Variants in EP400 observed in about 807,000 individuals in gnomAD.
EP400 encodes E1A-binding protein p400.
A neutral mutation model predicts 354.1 loss-of-function variants in EP400; 105 were observed. That is an observed-to-expected ratio of 0.30 (90% confidence interval 0.25 to 0.35). EP400 has a LOEUF of 0.35. Among genes scored for constraint, EP400 ranks in the 10% least tolerant of loss-of-function variants. The pLI is 1.00. For synonymous variants in EP400, 1,646 were observed against 1,716.9 expected, an observed-to-expected ratio of 0.96 and a Z score of 1.02; for missense variants, 3,280 against 4,121.0, an observed-to-expected ratio of 0.80 and a Z score of 5.59.
rs1454045894 is a variant in EP400 at position 132,062,670 on chromosome 12, C to G, written c.8303C>G (p.Ala2768Gly). 1 of 1,614,038 alleles carries G rather than the reference C, an allele frequency of 6.2e-7. No individual in the cohort carries two copies. The highest frequency in any genetic ancestry group is 1.3e-5 in the African/African-American group (1 of 74,910). Residue 2768 changes from alanine (A) to glycine (G), a missense_variant, in exon 47 of 53, where the codon GCA becomes GGA. Physicochemically the swap from Ala to Gly is moderately conservative, Grantham distance 60 (BLOSUM62 0). Around this residue, in one of 20 missense-constraint regions of EP400, gnomAD observed 47 missense variants for 55.6 expected, o/e 0.85. Coordinates refer to ENST00000389561, the MANE Select transcript of EP400 (RefSeq NM_015409.5). ...PQIQGQAQSPAQIKAVGKLTP... is the reference protein window; with the variant it reads ...PQIQGQAQSPGQIKAVGKLTP... The stretch of plus-strand genomic sequence containing the variant: ...ATCCAGGGCCAGGCCCAGTCCCCAG[C>G]ACAGATCAAAGCTGTGGGCAAGCTG...
chr12:131,963,868 G>A (rs911773937), intron 2 of EP400, among the ~76,000 whole-genome samples: 1 of 152,138 alleles, frequency 6.6e-6, no homozygotes, highest in African/African-American at 2.4e-5. Flanking sequence ...TACTTGTAAT[G>A]CGGTAGTAGC....
At position 132,067,853 on chromosome 12, in the gene EP400, C is replaced by T. The variant is rs1458360602; in HGVS notation, c.8874+367C>T. Among the ~76,000 whole-genome samples the T allele has an allele frequency of 1.3e-5, 2 of 152,060 alleles. No individual in the cohort carries two copies. Among genetic ancestry groups the T allele is most frequent in the African/African-American group, 2.4e-5 (1 of 41,394 alleles). ...CAGACGCAGCTCACACCACAGGACC[C>T]GCCTGGACTCCTGCTGGAGGACAGG... On this transcript the variant is annotated intron_variant, in intron 50 of 52. Coordinates refer to ENST00000389561, the MANE Select transcript of EP400 (RefSeq NM_015409.5). This position sits in a 1 kb window ranked among gnomAD's most constrained non-coding sequence, Gnocchi z 5.3.
chr12:132,044,042 G>T, intron 34 of EP400, 135 bp from the exon 35 acceptor site: 1 of 1,264,090 alleles, frequency 7.9e-7, no homozygotes, highest in Admixed American at 2.3e-5. Context: ...GCTGCTTGTG[G>T]GGGTGATGCA....
intron 15 of EP400, among the ~76,000 whole-genome samples, chr12:132,010,881 G>A (rs1001849739): frequency 1.3e-5 from 2 of 152,204 alleles, no homozygotes; most frequent in Admixed American, 6.5e-5. Flanking sequence ...GGCAGAGGTT[G>A]CAGTGAGCCG....
In EP400 at chr12:132,052,121, TTAA is replaced by T. The variant is rs1002080695; in HGVS notation, c.7395-1023_7395-1021del. On this transcript the variant is annotated intron_variant, in intron 41 of 52. Transcript: ENST00000389561. The surrounding 1 kb of genome is among the most constrained non-coding windows in gnomAD (Gnocchi z 4.4). ...AAGAGTAATTGCTACCAACTAATGA[TTAA>T]TGATATTCATAGATAATCATATCTA... Among the ~76,000 whole-genome samples the T allele has an allele frequency of 3.9e-5, 6 of 152,246 alleles. No individual in the cohort carries two copies. Among genetic ancestry groups the T allele is most frequent in the Admixed American group, 6.5e-5 (1 of 15,290 alleles).
At chr12:131,988,464 C>T (rs1376445288) in intron 7 of EP400, among the ~76,000 whole-genome samples, 3 of 152,158 alleles carry the variant, frequency 2.0e-5, no homozygotes, top group African/African-American at 7.2e-5. Flanking sequence ...TTAGAAGGCA[C>T]CTGGTATCAG....
In EP400 at chr12:132,029,924, T is replaced by C; in HGVS notation, c.5584+21T>C. On this transcript the variant is annotated intron_variant, in intron 28 of 52. Coordinates refer to ENST00000389561, the MANE Select transcript of EP400 (RefSeq NM_015409.5). This position sits in a 1 kb window ranked among gnomAD's most constrained non-coding sequence, Gnocchi z 4.7. ...CTCAGGTATGCGGCAGTTGGGGGCG[T>C]GGCCCGTGCGGGAGCTGCACCGGCC... 6.2e-7 allele frequency: 1 copy of C among 1,611,468 alleles called. No homozygotes were observed. Among genetic ancestry groups the C allele is most frequent in the Non-Finnish European group, 8.5e-7 (1 of 1,179,368 alleles).
In EP400 at chr12:132,025,065, T is replaced by TAAAACAAAAC. The variant is rs1291923573; in HGVS notation, c.4856-564_4856-555dup. Among the ~76,000 whole-genome samples, 3 of 151,866 alleles carry TAAAACAAAAC rather than the reference T, an allele frequency of 2.0e-5. No individual in the cohort carries two copies. Among genetic ancestry groups the TAAAACAAAAC allele is most frequent in the Non-Finnish European group, 4.4e-5 (3 of 67,972 alleles). On this transcript the variant is annotated intron_variant, in intron 24 of 52. Transcript: ENST00000389561. The surrounding 1 kb of genome is among the most constrained non-coding windows in gnomAD (Gnocchi z 4.1). ...TGGTTTACTTCCTTTTTTTTTTTCT[T>TAAAACAAAAC]AAAACAAAACAAAACAAAACAAAAC... is the stretch of plus-strand genomic sequence containing the variant.
At position 131,990,350 on chromosome 12, in the gene EP400, G is replaced by A. The variant is rs1213708954; in HGVS notation, c.2550+246G>A. On this transcript the variant is annotated intron_variant, in intron 8 of 52. Transcript: ENST00000389561. The surrounding 1 kb of genome is among the most constrained non-coding windows in gnomAD (Gnocchi z 4.2). ...CTGAGGTGCTTCATGCCGTGGAGGG[G>A]CTCTGGGCATTGTTTCAGGGTTAGC... Among the ~76,000 whole-genome samples the A allele has an allele frequency of 6.6e-6, 1 of 152,190 alleles. No individual in the cohort carries two copies. Among genetic ancestry groups the A allele is most frequent in the East Asian group, 1.9e-4 (1 of 5,202 alleles).
At position 132,027,395 on chromosome 12, in the gene EP400, A is replaced by G; in HGVS notation, c.5015-42A>G. 1 of 1,600,806 alleles carries G rather than the reference A, an allele frequency of 6.2e-7. No homozygotes were observed. The highest frequency in any genetic ancestry group is 8.6e-7 in the Non-Finnish European group (1 of 1,168,300). On this transcript the variant is annotated intron_variant, in intron 25 of 52. Transcript: ENST00000389561. This position sits in a 1 kb window ranked among gnomAD's most constrained non-coding sequence, Gnocchi z 4.9. Reference sequence around the variant, plus strand: ...TGCTGGTGTCAGATGAAATCCTGTGAACTTGGCGTTCCTTTTCACCTCTTC... The same window carrying G: ...TGCTGGTGTCAGATGAAATCCTGTGGACTTGGCGTTCCTTTTCACCTCTTC...
rs1896293711 is a variant in EP400, at chr12:132,078,105, G to T, written c.*432G>T. 1 of 170,632 alleles carries T rather than the reference G, an allele frequency of 5.9e-6. No homozygotes were observed. Among genetic ancestry groups the T allele is most frequent in the Non-Finnish European group, 1.3e-5 (1 of 77,888 alleles). 10.6% of individuals were successfully genotyped at this position (170,632 alleles called of 1,614,324 possible). Reference sequence around the variant, plus strand: ...GCGTGGGCTTCCACAGTGTCTGCCAGAGTTTAGTTCTTTATACCTTACTGA... The same window carrying T: ...GCGTGGGCTTCCACAGTGTCTGCCATAGTTTAGTTCTTTATACCTTACTGA... On this transcript the variant is annotated 3_prime_UTR_variant, in exon 53 of 53. Coordinates refer to ENST00000389561, the MANE Select transcript of EP400 (RefSeq NM_015409.5).
At chr12:132,019,596 A>C (rs529710392) in intron 21 of EP400, among the ~76,000 whole-genome samples, 1 of 151,960 alleles carries the variant, frequency 6.6e-6, no homozygotes, top group Non-Finnish European at 1.5e-5. Flanking sequence ...CTAGCTACTT[A>C]GAGGCTGAGG....
In EP400 at chr12:131,964,147, C is replaced by T. The variant is rs1279330711; in HGVS notation, c.1335+2193C>T. Among the ~76,000 whole-genome samples, 3 of 152,114 alleles carry T rather than the reference C, an allele frequency of 2.0e-5. No individual in the cohort carries two copies. In the South Asian group the frequency reaches 6.2e-4, roughly 32 times the overall value. On this transcript the variant is annotated intron_variant, in intron 2 of 52. Transcript: ENST00000389561. ...CAAACTGATTATTTTTAATTTTTTG[C>T]AAATTCACTCAGTGTTAAATTAGTA...
chr12:131,983,762 C>A (rs1215025931), intron 5 of EP400, among the ~76,000 whole-genome samples: 3 of 152,206 alleles, frequency 2.0e-5, no homozygotes, highest in African/African-American at 7.2e-5. Flanking sequence ...TCACTGCAGC[C>A]TCTACTTCCT....
rs146574804 is a variant in EP400 at position 131,969,680 on chromosome 12, C to T, written c.1335+7726C>T. On this transcript the variant is annotated intron_variant, in intron 2 of 52. Transcript: ENST00000389561. The stretch of plus-strand genomic sequence containing the variant: ...CGGAATCAGCCATTTCGACAAAGAG[C>T]CTGGTTCCTTTCGGTGGGGAATAGT... Among the ~76,000 whole-genome samples, 12 of 152,150 alleles carry T rather than the reference C, an allele frequency of 7.9e-5. No individual in the cohort carries two copies. In the East Asian group the frequency reaches 2.3e-3, roughly 29 times the overall value.
Position 132,029,721 on chromosome 12 carries a change from C to T in EP400, c.5402C>T (p.Pro1801Leu), listed in dbSNP as rs545633950. The T allele has an allele frequency of 3.2e-5, 51 of 1,612,958 alleles. No individual in the cohort carries two copies. Among genetic ancestry groups the T allele is most frequent in the South Asian group, 1.1e-4 (10 of 91,036 alleles). ...VIDRVAFVIPPVVAAPPSLRV... is the reference protein window; with the variant it reads ...VIDRVAFVIPLVVAAPPSLRV... ...CTCAGGGTGGCCTTTGTGATTCCTCCGGTGGTGGCAGCACCCCCGTCCCTA... is the reference window on the plus strand; with the variant it reads ...CTCAGGGTGGCCTTTGTGATTCCTCTGGTGGTGGCAGCACCCCCGTCCCTA... The change falls in exon 28 of 53, where the codon CCG (proline) becomes CTG (leucine). Residue 1801 changes from proline (P) to leucine (L), a missense_variant. Physicochemically the swap from Pro to Leu is moderately conservative, Grantham distance 98 (BLOSUM62 -3). This residue lies in a region of EP400 where 459 missense variants were observed against 496.9 expected (regional missense o/e 0.92). Transcript: ENST00000389561. The surrounding 1 kb of genome is among the most constrained non-coding windows in gnomAD (Gnocchi z 4.7).
intron 44 of EP400, 33 bp downstream of exon 44, chr12:132,055,052 C>T: frequency 4.3e-6 from 7 of 1,613,768 alleles, no homozygotes; most frequent in Non-Finnish European, 5.9e-6. Context: ...GAAATGTGGA[C>T]CCCATTTCTC....
At chr12:132,072,671 A>G (rs1337557069) in intron 51 of EP400, among the ~76,000 whole-genome samples, 1 of 152,228 alleles carries the variant, frequency 6.6e-6, no homozygotes, top group African/African-American at 2.4e-5. Context: ...AACTGGGTCA[A>G]GTTTACTGTG....
rs779123298 is a variant in EP400 at position 132,018,279 on chromosome 12, C to T, written c.4180C>T (p.Leu1394=). The part of the protein sequence containing the change: ...NKITRHEAEL[L]SKKKIPRKLM... Reference sequence around the variant, plus strand: ...AATCACTCGTCACGAGGCAGAGTTGCTGTCTAAGAAAAAGATACCGCGGAA... The same window carrying T: ...AATCACTCGTCACGAGGCAGAGTTGTTGTCTAAGAAAAAGATACCGCGGAA... Residue 1394 remains leucine, a synonymous_variant, in exon 21 of 53, where the codon CTG becomes TTG. Transcript: ENST00000389561. This position sits in a 1 kb window ranked among gnomAD's most constrained non-coding sequence, Gnocchi z 4.0. 6.2e-7 allele frequency: 1 copy of T among 1,613,672 alleles called. No homozygotes were observed. Among genetic ancestry groups the T allele is most frequent in the East Asian group, 2.2e-5 (1 of 44,878 alleles).
Sources: gnomAD v4.1 joint callset for allele counts (sites outside exome capture counted in the v4.1 genomes callset) on GRCh38, gnomAD v4.1.1 for gene constraint, gnomAD v4.1.1 regional missense constraint, Gnocchi (gnomAD v3.1) non-coding constraint, MANE v1.5 for transcripts, NCBI Gene and HGNC (gene_info 2026-07-23, HGNC 2026-07-21) for gene names.